Variants in CDC42BPA observed in about 807,000 individuals in gnomAD.
CDC42BPA encodes CDC42 binding protein kinase alpha.
In CDC42BPA, 80 loss-of-function variants were observed where a neutral mutation model predicts 223.5. The observed-to-expected ratio is 0.36, with a 90% CI of 0.30 to 0.43. The LOEUF is 0.43. CDC42BPA is among the 20% of genes least tolerant of loss of function. The pLI is 1.00. For missense variants in CDC42BPA, 1,743 were observed against 2,099.9 expected (o/e 0.83, Z 3.32); for synonymous variants, 694 against 718.6 (o/e 0.97, Z 0.55).
chr1:227,151,881 C>CAAAAAAAAAAAA (rs58336726), intron 6 of CDC42BPA, among the ~76,000 whole-genome samples: 1 of 85,772 alleles, frequency 1.2e-5, no homozygotes, highest in Non-Finnish European at 2.2e-5. Flanking sequence ...CCAGTCTCTA[C>CAAAAAAAAAAAA]AAAAAAAAAA....
At chr1:227,142,184 A>G (rs1486999702) in intron 9 of CDC42BPA, among the ~76,000 whole-genome samples, 1 of 152,206 alleles carries the variant, frequency 6.6e-6, no homozygotes, top group Non-Finnish European at 1.5e-5. Flanking sequence ...ACTTAGCAAA[A>G]CAAATATAAC....
rs1694706996 is a variant in CDC42BPA, at chr1:227,318,249, C to A, written c.-1067G>T. The A allele has an allele frequency of 6.5e-6, 1 of 152,878 alleles. No individual in the cohort carries two copies. The highest frequency in any genetic ancestry group is 2.5e-5 in the African/African-American group (1 of 40,664). The allele number at this position is 152,878 out of a possible 1,614,324, so 9.5% of individuals were successfully genotyped here. ...CAGCTACTTCTCCCCCTTCTTCACA[C>A]CCCTGGGCTAAGGGCATCTTTCCAC... On this transcript the variant is annotated 5_prime_UTR_variant, in exon 1 of 37. Transcript: ENST00000366766.
At chr1:227,273,103 GCCTGGCAAACATGGTGAAACC>G (rs1293937088) in intron 1 of CDC42BPA, among the ~76,000 whole-genome samples, 1 of 152,164 alleles carries the variant, frequency 6.6e-6, no homozygotes, top group African/African-American at 2.4e-5. Context: ...TTTGAGACCA[GCCTGGCAAACATGGTGAAACC>G]CCATCTCTAC....
intron 26 of CDC42BPA, 139 bp from the exon 27 acceptor site, chr1:227,033,554 C>A: frequency 1.6e-6 from 1 of 606,264 alleles, no homozygotes; most frequent in South Asian, 2.2e-5. Context: ...ATTAATTTTC[C>A]CCCATTGTAA....
intron 9 of CDC42BPA, 90 bp downstream of exon 9, chr1:227,142,855 T>G: frequency 1.3e-6 from 1 of 748,570 alleles, no homozygotes; most frequent in South Asian, 1.9e-5. Flanking sequence ...CCTGACCTCA[T>G]GATACACCTG....
At chr1:227,207,875 A>G (rs2150316561) in intron 3 of CDC42BPA, among the ~76,000 whole-genome samples, 1 of 113,422 alleles carries the variant, frequency 8.8e-6, no homozygotes, top group Middle Eastern at 3.8e-3. Flanking sequence ...CTTTGGGTAT[A>G]TACCCAGTAA....
chr1:227,215,916 G>C (rs1674741349), intron 2 of CDC42BPA, among the ~76,000 whole-genome samples: 1 of 152,072 alleles, frequency 6.6e-6, no homozygotes, highest in African/African-American at 2.4e-5. Context: ...ATTCACCACA[G>C]TGTGGTTTTC....
chr1:227,079,264 T>A (rs559219352), intron 17 of CDC42BPA, among the ~76,000 whole-genome samples: 25 of 152,186 alleles, frequency 1.6e-4, no homozygotes, highest in Admixed American at 3.3e-4. Context: ...TTCGTTTGAA[T>A]GTGAAAAGTG....
chr1:227,094,986 A>G (rs1319669416), intron 15 of CDC42BPA, among the ~76,000 whole-genome samples: 3 of 152,210 alleles, frequency 2.0e-5, no homozygotes, highest in African/African-American at 7.2e-5. Context: ...GAGAAACACT[A>G]TGGTAGGTGT....
At chr1:227,098,253 A>C (rs1302880047) in intron 15 of CDC42BPA, among the ~76,000 whole-genome samples, 1 of 149,850 alleles carries the variant, frequency 6.7e-6, no homozygotes, top group Non-Finnish European at 1.5e-5. Context: ...GAGTACCCCA[A>C]GGCTCAGTTC....
At chr1:227,236,407 A>G (rs1679028832) in intron 2 of CDC42BPA, among the ~76,000 whole-genome samples, 1 of 152,148 alleles carries the variant, frequency 6.6e-6, no homozygotes. Context: ...CTGCTTATCA[A>G]TTTATGATAT....
intron 5 of CDC42BPA, among the ~76,000 whole-genome samples, chr1:227,179,564 A>T (rs1172532916): frequency 1.6e-5 from 2 of 123,184 alleles, no homozygotes; most frequent in Admixed American, 1.1e-4. Flanking sequence ...TCAACCCGGG[A>T]GGTGGAGCTT....
intron 33 of CDC42BPA, among the ~76,000 whole-genome samples, chr1:227,016,499 G>A (rs1666287685): frequency 6.6e-6 from 1 of 152,076 alleles, no homozygotes; most frequent in South Asian, 2.1e-4. Context: ...CTTTAAAAAT[G>A]ATTGGTAACA....
chr1:227,029,290 T>G, intron 29 of CDC42BPA, 40 bp from the exon 30 acceptor site: 1 of 1,321,518 alleles, frequency 7.6e-7, no homozygotes, highest in Non-Finnish European at 1.0e-6. Flanking sequence ...TATAGTTTTA[T>G]TGATTAATCA....
intron 2 of CDC42BPA, among the ~76,000 whole-genome samples, chr1:227,221,824 G>C (rs543830877): frequency 6.6e-6 from 1 of 151,558 alleles, no homozygotes; most frequent in East Asian, 1.9e-4. Flanking sequence ...TCTTCTCTAG[G>C]TCACAGAAAC....
intron 1 of CDC42BPA, among the ~76,000 whole-genome samples, chr1:227,267,333 T>A (rs1032998076): frequency 6.6e-6 from 1 of 152,160 alleles, no homozygotes; most frequent in Non-Finnish European, 1.5e-5. Context: ...AGTGATCTCT[T>A]AAAGCTTAGA....
intron 22 of CDC42BPA, among the ~76,000 whole-genome samples, 198 bp from the exon 23 acceptor site, chr1:227,048,208 G>A (rs188989869): frequency 1.3e-5 from 2 of 151,906 alleles, no homozygotes; most frequent in Non-Finnish European, 1.5e-5. Flanking sequence ...CAATATCTAC[G>A]AATGAAATAT....
At chr1:227,002,913 A>G (rs1663166249) in intron 35 of CDC42BPA, among the ~76,000 whole-genome samples, 1 of 152,246 alleles carries the variant, frequency 6.6e-6, no homozygotes, top group Admixed American at 6.5e-5. Context: ...TGATGTTCCC[A>G]GATTCCTGAC....
At chr1:227,310,929 G>GATCCGCCCACCTCGGC (rs1053097308) in intron 1 of CDC42BPA, among the ~76,000 whole-genome samples, 6 of 151,672 alleles carry the variant, frequency 4.0e-5, no homozygotes, top group Non-Finnish European at 8.8e-5. Flanking sequence ...CTGACCTCGT[G>GATCCGCCCACCTCGGC]ATCCGCCCAC....
Sources: allele counts gnomAD v4.1 joint callset (sites outside exome capture counted in the v4.1 genomes callset), GRCh38; gene constraint gnomAD v4.1.1; transcripts MANE v1.5; gene names NCBI Gene and HGNC (gene_info 2026-07-23, HGNC 2026-07-21).